Variants in ATP12A observed in about 807,000 individuals in gnomAD.
ATP12A encodes ATPase H+/K+ transporting non-gastric alpha2 subunit.
ATP12A carries 81 observed loss-of-function variants against 111.2 expected under a neutral mutation model. The observed-to-expected ratio is 0.73, with a 90% CI of 0.61 to 0.88. The LOEUF (loss-of-function observed/expected upper bound fraction) is 0.88. Among genes scored for constraint, ATP12A ranks in the 40% least tolerant of loss-of-function variants. The pLI, the probability that ATP12A is intolerant of heterozygous loss-of-function variation, is 0.00. For synonymous variants in ATP12A, 498 were observed against 499.8 expected (o/e 1.00, Z 0.05); for missense variants, 1,196 against 1,313.1 (o/e 0.91, Z 1.38).
intron 5 of ATP12A, among the ~76,000 whole-genome samples, 168 bp downstream of exon 5, chr13:24,689,543 T>A (rs956616625): frequency 1.3e-5 from 2 of 152,130 alleles, no homozygotes; most frequent in African/African-American, 4.8e-5. Flanking sequence ...TCACAGGATT[T>A]TGATGGTCAA....
At chr13:24,700,666 G>C in intron 12 of ATP12A, 81 bp from the exon 13 acceptor site, 1 of 1,321,998 alleles carries the variant, frequency 7.6e-7, no homozygotes, top group Non-Finnish European at 1.0e-6. Flanking sequence ...AGAGGACCAA[G>C]GTGTATGAGC....
intron 14 of ATP12A, among the ~76,000 whole-genome samples, chr13:24,703,864 A>G: frequency 7.2e-6 from 1 of 138,192 alleles, no homozygotes; most frequent in Non-Finnish European, 1.5e-5. Flanking sequence ...TTTGAGATGG[A>G]GTCTTTCTCT....
At chr13:24,696,865 T>C (rs1593138203) in intron 11 of ATP12A, among the ~76,000 whole-genome samples, 1 of 152,092 alleles carries the variant, frequency 6.6e-6, no homozygotes, top group Admixed American at 6.5e-5. Context: ...GGGCTTTAGA[T>C]GTCATGGCCT....
intron 2 of ATP12A, among the ~76,000 whole-genome samples, chr13:24,682,055 GTATGGTGTGTGTGTA>G (rs1874473141): frequency 7.5e-6 from 1 of 132,876 alleles, no homozygotes; most frequent in Admixed American, 7.4e-5. Flanking sequence ...TGGTGTGTGT[GTATGGTGTGTGTGTA>G]TGGTGTGTGT....
At chr13:24,701,393 C>T (rs188133340) in intron 13 of ATP12A, among the ~76,000 whole-genome samples, 41 of 150,832 alleles carry the variant, frequency 2.7e-4, no homozygotes, top group African/African-American at 9.3e-4. Context: ...CCCAGCTACT[C>T]GGGAGGCTGA....
In ATP12A at chr13:24,710,905, C is replaced by T. The variant is rs1275524582; in HGVS notation, c.2999+12C>T. ...TTCACCATGCTTAGGTGAGTTCACC[C>T]TCAACAGCATGGAGGAAAGAGCCAG... is the stretch of plus-strand genomic sequence containing the variant. On this transcript the variant is annotated intron_variant, in intron 21 of 22. Coordinates refer to ENST00000381946, the MANE Select transcript of ATP12A (RefSeq NM_001676.7). 6.2e-7 allele frequency: 1 copy of T among 1,609,184 alleles called. No homozygotes were observed. The highest frequency in any genetic ancestry group is 8.5e-7 in the Non-Finnish European group (1 of 1,175,694).
At position 24,680,539 on chromosome 13, in the gene ATP12A, A is replaced by C; in HGVS notation, c.-205A>C. 1.9e-6 allele frequency: 1 copy of C among 527,130 alleles called. No homozygotes were observed. The highest frequency in any genetic ancestry group is 3.2e-6 in the Non-Finnish European group (1 of 316,272). The allele number at this position is 527,130 out of a possible 1,614,324, so 32.7% of individuals were successfully genotyped here. ...GACGTGGGCGGGGCGGGCGGCATTT[A>C]AGGCTGGTGCCACCTCCCCGGTGCA... On this transcript the variant is annotated 5_prime_UTR_variant, in exon 1 of 23. Transcript: ENST00000381946.
At chr13:24,710,434 T>C (rs1382369195) in intron 19 of ATP12A, 26 bp from the exon 20 acceptor site, 1 of 1,611,970 alleles carries the variant, frequency 6.2e-7, no homozygotes, top group African/African-American at 1.3e-5. Context: ...GGCCTCAAGG[T>C]CTCTTCCTTC....
intron 2 of ATP12A, among the ~76,000 whole-genome samples, chr13:24,684,881 G>A (rs978370565): frequency 6.6e-6 from 1 of 152,162 alleles, no homozygotes; most frequent in African/African-American, 2.4e-5. Context: ...AGCGAAGGAG[G>A]AGGAGTTGTG....
At chr13:24,694,684 A>G (rs984026354) in intron 11 of ATP12A, 106 bp downstream of exon 11, 1 of 1,558,456 alleles carries the variant, frequency 6.4e-7, no homozygotes, top group African/African-American at 1.4e-5. Context: ...CTGGCTTCAA[A>G]GACAGTCGTC....
At position 24,685,486 on chromosome 13, in the gene ATP12A, C is replaced by A. The variant is rs1874635110; in HGVS notation, c.228+113C>A. The A allele has an allele frequency of 9.5e-7, 1 of 1,058,194 alleles. No homozygotes were observed. Among genetic ancestry groups the A allele is most frequent in the South Asian group, 1.3e-5 (1 of 77,550 alleles). 65.6% of individuals were successfully genotyped at this position (1,058,194 alleles called of 1,614,324 possible). A position where few individuals can be genotyped will look rare whatever the true frequency, so the allele number is the denominator to read the frequency against. ...GTAGCGGCACCTTTAGGAGGAGGGG[C>A]CCCTGCAGCGCCTTTGAGACTGCAG... On this transcript the variant is annotated intron_variant, in intron 3 of 22. Transcript: ENST00000381946. This position sits in a 1 kb window ranked among gnomAD's most constrained non-coding sequence, Gnocchi z 5.5.
intron 13 of ATP12A, 71 bp from the exon 14 acceptor site, chr13:24,701,864 A>T: frequency 6.3e-7 from 1 of 1,594,834 alleles, no homozygotes; most frequent in Admixed American, 1.7e-5. Flanking sequence ...AGTAGGTATT[A>T]CTGAACCATC....
intron 15 of ATP12A, 127 bp downstream of exon 15, chr13:24,706,590 C>G (rs1875654995): frequency 7.3e-7 from 1 of 1,362,080 alleles, no homozygotes; most frequent in Non-Finnish European, 9.8e-7. Context: ...TGGCTCATCC[C>G]CATCACCTGA....
intron 11 of ATP12A, among the ~76,000 whole-genome samples, chr13:24,694,843 G>A (rs1001520919): frequency 7.7e-6 from 1 of 130,556 alleles, no homozygotes; most frequent in Non-Finnish European, 1.6e-5. Flanking sequence ...TCTGTCACAG[G>A]CACACACTCT....
Position 24,709,718 on chromosome 13 carries a change from T to C in ATP12A, c.2653T>C (p.Phe885Leu), listed in dbSNP as rs1329438180. The change falls in exon 19 of 23, where the codon TTC (phenylalanine) becomes CTC (leucine). Residue 885 changes from phenylalanine (F) to leucine (L), a missense_variant. Transcript: ENST00000381946. ...MQALGAFLVYFTVYAQEGFLP... is the reference protein window; with the variant it reads ...MQALGAFLVYLTVYAQEGFLP... ...AGCCCTGGGAGCTTTCCTTGTGTAT[T>C]TCACCGTCTATGCACAAGAGGGCTT... The C allele has an allele frequency of 6.2e-7, 1 of 1,614,092 alleles. No homozygotes were observed. Among genetic ancestry groups the C allele is most frequent in the Non-Finnish European group, 8.5e-7 (1 of 1,180,050 alleles).
chr13:24,698,575 C>T (rs764188773), intron 11 of ATP12A, 83 bp from the exon 12 acceptor site: 7 of 1,426,196 alleles, frequency 4.9e-6, no homozygotes, highest in South Asian at 4.0e-5. Context: ...GCCTCTTCCT[C>T]CTTTACATTT....
chr13:24,689,457 G>A, intron 5 of ATP12A, 82 bp downstream of exon 5: 1 of 1,224,208 alleles, frequency 8.2e-7, no homozygotes, highest in Middle Eastern at 2.6e-4. Flanking sequence ...AGGGCCCTGA[G>A]GGCTACGGGT....
At chr13:24,708,917 G>GAA (rs1183514361) in intron 17 of ATP12A, among the ~76,000 whole-genome samples, 2 of 120,444 alleles carry the variant, frequency 1.7e-5, no homozygotes, top group African/African-American at 3.5e-5. Flanking sequence ...AAGAAAGAAA[G>GAA]AAAGAAAGAA....
At chr13:24,696,808 G>C (rs1162280537) in intron 11 of ATP12A, among the ~76,000 whole-genome samples, 3 of 150,792 alleles carry the variant, frequency 2.0e-5, no homozygotes, top group Non-Finnish European at 4.4e-5. Flanking sequence ...TCTGGATGCT[G>C]TTAGGGTCAT....
Sources: gnomAD v4.1 joint callset for allele counts (sites outside exome capture counted in the v4.1 genomes callset) on GRCh38, gnomAD v4.1.1 for gene constraint, Gnocchi (gnomAD v3.1) non-coding constraint, MANE v1.5 for transcripts, NCBI Gene and HGNC (gene_info 2026-07-23, HGNC 2026-07-21) for gene names.